The following LRP4 variants were observed in gnomAD, a reference collection of about 807,000 sequenced individuals.
The protein encoded by LRP4 is low-density lipoprotein receptor-related protein 4.
Under a neutral mutation model 220.3 loss-of-function variants are expected in LRP4, and 95 were observed. The observed-to-expected ratio is 0.43, with a 90% CI of 0.37 to 0.51. The LOEUF (loss-of-function observed/expected upper bound fraction) is 0.51. LRP4 is among the 20% of genes least tolerant of loss of function. The pLI, the probability that LRP4 is intolerant of heterozygous loss-of-function variation, is 0.00. For missense variants in LRP4, 1,925 were observed against 2,567.0 expected, an observed-to-expected ratio of 0.75 and a Z score of 5.40; for synonymous variants, 903 against 954.6, an observed-to-expected ratio of 0.95 and a Z score of 1.00.
chr11:46,888,344 A>G (rs1383471407), intron 16 of LRP4, among the ~76,000 whole-genome samples: 1 of 151,554 alleles, frequency 6.6e-6, no homozygotes, highest in Non-Finnish European at 1.5e-5. Flanking sequence ...ACCTGAGGTC[A>G]GGAGTTCGAG....
intron 1 of LRP4, among the ~76,000 whole-genome samples, chr11:46,910,691 T>TTTTTTTTTTTTA (rs1941845071): frequency 4.0e-5 from 6 of 149,896 alleles, no homozygotes; most frequent in Admixed American, 6.7e-5. Flanking sequence ...TTTTTTTTTT[T>TTTTTTTTTTTTA]GAGGTGGAGT....
intron 34 of LRP4, 34 bp downstream of exon 34, chr11:46,867,945 A>G: frequency 6.2e-7 from 1 of 1,613,952 alleles, no homozygotes; most frequent in Non-Finnish European, 8.5e-7. Flanking sequence ...GATTTGAATC[A>G]AAGGGCCCAT....
intron 31 of LRP4, among the ~76,000 whole-genome samples, chr11:46,870,286 C>A (rs1438292030): frequency 2.0e-5 from 3 of 152,028 alleles, no homozygotes; most frequent in Admixed American, 6.6e-5. Flanking sequence ...ACAACAACAA[C>A]AAAACAAACA....
chr11:46,890,408 G>A lies in LRP4; in HGVS notation c.1784C>T (p.Thr595Ile). ...DGSGRRIIAD[T>I]HLFWPNGLTI... The stretch of plus-strand genomic sequence containing the variant: ...GAGGCCATTGGGCCAGAAGAGATGG[G>A]TATCGGCAATGATGCGGCGTCCAGA... The change falls in exon 14 of 38, where the codon ACC (threonine) becomes ATC (isoleucine). Residue 595 changes from threonine (T) to isoleucine (I), a missense_variant. Physicochemically the swap from Thr to Ile is moderately conservative, Grantham distance 89 (BLOSUM62 -1). Coordinates refer to ENST00000378623, the MANE Select transcript of LRP4 (RefSeq NM_002334.4). The surrounding 1 kb of genome is among the most constrained non-coding windows in gnomAD (Gnocchi z 5.3). The A allele has an allele frequency of 6.2e-7, 1 of 1,614,164 alleles. No individual in the cohort carries two copies. Among genetic ancestry groups the A allele is most frequent in the East Asian group, 2.2e-5 (1 of 44,870 alleles).
intron 20 of LRP4, 115 bp from the exon 21 acceptor site, chr11:46,879,430 C>G: frequency 2.0e-6 from 2 of 990,358 alleles, no homozygotes; most frequent in Non-Finnish European, 3.1e-6. Flanking sequence ...TACTGGGTGA[C>G]CTCCAGTAAG....
chr11:46,861,379 G>A (rs780564326), intron 37 of LRP4, among the ~76,000 whole-genome samples: 2 of 151,988 alleles, frequency 1.3e-5, no homozygotes, highest in Non-Finnish European at 2.9e-5. Context: ...GTGCTAGATA[G>A]GCCAAAGAAG....
At chr11:46,888,784 T>G (rs949718406) in intron 16 of LRP4, among the ~76,000 whole-genome samples, 1 of 152,138 alleles carries the variant, frequency 6.6e-6, no homozygotes, top group Non-Finnish European at 1.5e-5. Flanking sequence ...CCAGGTGCCC[T>G]GCTGGTCGTG....
chr11:46,861,767 A>AAAC (rs1940558779), intron 37 of LRP4, among the ~76,000 whole-genome samples: 1 of 151,794 alleles, frequency 6.6e-6, no homozygotes, highest in African/African-American at 2.4e-5. Flanking sequence ...AAGTTAAAAA[A>AAAC]AAACAAACAA....
At chr11:46,885,092 C>T (rs968201654) in intron 18 of LRP4, among the ~76,000 whole-genome samples, 1 of 152,034 alleles carries the variant, frequency 6.6e-6, no homozygotes, top group Non-Finnish European at 1.5e-5. Flanking sequence ...TTCAAGCAAT[C>T]CTCCCACTTC....
chr11:46,899,518 TG>T lies in LRP4; in HGVS notation c.431-16del. ...CTTGCGCATGTCTGGGGGGATGCGA[TG>T]GGACAGCAGTTCTGAGGGGGCCCCA... On this transcript the variant is annotated splice_polypyrimidine_tract_variant and intron_variant, in intron 4 of 37. Coordinates refer to ENST00000378623, the MANE Select transcript of LRP4 (RefSeq NM_002334.4). This position sits in a 1 kb window ranked among gnomAD's most constrained non-coding sequence, Gnocchi z 5.9. The T allele has an allele frequency of 6.4e-7, 1 of 1,573,936 alleles. No individual in the cohort carries two copies.
In LRP4 at chr11:46,890,392, G is replaced by A. The variant is rs750270040; in HGVS notation, c.1800C>T (p.Pro600=). The change falls in exon 14 of 38, where the codon CCC becomes CCT. Residue 600 remains proline (P), a synonymous_variant. Transcript: ENST00000378623. The surrounding 1 kb of genome is among the most constrained non-coding windows in gnomAD (Gnocchi z 5.3). The part of the protein sequence containing the change: ...RIIADTHLFW[P]NGLTIDYAGR... ...CGGCATAGTCGATGGTGAGGCCATT[G>A]GGCCAGAAGAGATGGGTATCGGCAA... is the stretch of plus-strand genomic sequence containing the variant. 1 of 1,614,152 alleles carries A rather than the reference G, an allele frequency of 6.2e-7. No homozygotes were observed. Among genetic ancestry groups the A allele is most frequent in the Non-Finnish European group, 8.5e-7 (1 of 1,180,026 alleles).
rs1244086283 is a variant in LRP4 at position 46,895,156 on chromosome 11, C to G, written c.1309+10G>C. ...CTCTGCCCACCCAGCCAAGTGCCAA[C>G]AGCCCTTACCCAGAGCCTTGCAGCT... On this transcript the variant is annotated intron_variant, in intron 11 of 37. Transcript: ENST00000378623. 6.2e-7 allele frequency: 1 copy of G among 1,613,814 alleles called. No individual in the cohort carries two copies. Among genetic ancestry groups the G allele is most frequent in the South Asian group, 1.1e-5 (1 of 91,080 alleles).
intron 3 of LRP4, 101 bp from the exon 4 acceptor site, chr11:46,900,077 C>T: frequency 9.5e-7 from 1 of 1,057,768 alleles, no homozygotes; most frequent in Non-Finnish European, 1.5e-6. Context: ...TCCAGTGCTG[C>T]CCTGAGGGCT....
At chr11:46,891,462 CACAG>C (rs138926075) in intron 13 of LRP4, among the ~76,000 whole-genome samples, 21 of 143,480 alleles carry the variant, frequency 1.5e-4, no homozygotes, top group African/African-American at 5.0e-4. Flanking sequence ...CACACACACA[CACAG>C]ACACACACAC....
chr11:46,889,339 G>A (rs1941368535), intron 16 of LRP4, 72 bp downstream of exon 16: 19 of 1,595,012 alleles, frequency 1.2e-5, no homozygotes, highest in Middle Eastern at 1.8e-4. Flanking sequence ...ATCCCTCCAC[G>A]TCCTATCCCT....
In LRP4 at chr11:46,896,740, T is replaced by A. The variant is rs1476483660; in HGVS notation, c.922+129A>T. 14 of 1,382,924 alleles carry A rather than the reference T, an allele frequency of 1.0e-5. No homozygotes were observed. The Admixed American group carries it at 2.5e-4, about 24-fold the overall frequency. 85.7% of individuals were successfully genotyped at this position (1,382,924 alleles called of 1,614,324 possible). A position where few individuals can be genotyped will look rare whatever the true frequency, so the allele number is the denominator to read the frequency against. On this transcript the variant is annotated intron_variant, in intron 8 of 37. Coordinates refer to ENST00000378623, the MANE Select transcript of LRP4 (RefSeq NM_002334.4). ...GTGCTCCAGGCCATAAGGCCGCAGG[T>A]CAATGATGCACCTGGATTTTACACT...
chr11:46,910,065 G>A (rs763388940), intron 1 of LRP4, among the ~76,000 whole-genome samples: 1 of 152,196 alleles, frequency 6.6e-6, no homozygotes, highest in Non-Finnish European at 1.5e-5. Flanking sequence ...TCTACCAGGT[G>A]AAGTCTTCTC....
At position 46,859,204 on chromosome 11, in the gene LRP4, G is replaced by C. The variant is rs1393617361; in HGVS notation, c.5497C>G (p.Arg1833Gly). 6.2e-7 allele frequency: 1 copy of C among 1,613,974 alleles called. No homozygotes were observed. Among genetic ancestry groups the C allele is most frequent in the East Asian group, 2.2e-5 (1 of 44,896 alleles). Residue 1833 changes from arginine to glycine, a missense_variant, in exon 38 of 38, where the codon CGG becomes GGG. This residue lies in a region of LRP4 where 1,244 missense variants were observed against 1,624.9 expected (regional missense o/e 0.77). Coordinates refer to ENST00000378623, the MANE Select transcript of LRP4 (RefSeq NM_002334.4). Reference protein sequence around the residue: ...WDDLKQLRSSRGGLLRDHVCM... With the variant: ...WDDLKQLRSSGGGLLRDHVCM... ...ACATGATCCCGGAGGAGGCCCCCCCGTGAGCTTCGCAGTTGCTTGAGGTCA... is the reference window on the plus strand; with the variant it reads ...ACATGATCCCGGAGGAGGCCCCCCCCTGAGCTTCGCAGTTGCTTGAGGTCA...
Position 46,875,500 on chromosome 11 carries a change from G to C in LRP4, c.3881C>G (p.Pro1294Arg). The C allele has an allele frequency of 6.2e-7, 1 of 1,614,164 alleles. No individual in the cohort carries two copies. The highest frequency in any genetic ancestry group is 8.5e-7 in the Non-Finnish European group (1 of 1,180,030). ...SNVILVRSNL[P>R]GLMDMQAVDR... is the part of the protein sequence containing the mutation. The stretch of plus-strand genomic sequence containing the variant: ...CACAGCCTGCATGTCCATGAGGCCT[G>C]GCAGGTTGGACCTCACGAGGATGAC... The change falls in exon 27 of 38, where the codon CCA becomes CGA. Residue 1294 changes from proline to arginine, a missense_variant. This residue lies in a region of LRP4 where 1,244 missense variants were observed against 1,624.9 expected (regional missense o/e 0.77). Transcript: ENST00000378623. This position sits in a 1 kb window ranked among gnomAD's most constrained non-coding sequence, Gnocchi z 4.5.
Sources: allele counts gnomAD v4.1 joint callset (sites outside exome capture counted in the v4.1 genomes callset), GRCh38; gene constraint gnomAD v4.1.1; regional missense constraint gnomAD v4.1.1; non-coding constraint Gnocchi (gnomAD v3.1); transcripts MANE v1.5; gene names NCBI Gene and HGNC (gene_info 2026-07-23, HGNC 2026-07-21).